RNGTT: variants seen among roughly 807,000 people sequenced by gnomAD.
RNGTT encodes the protein mRNA-capping enzyme.
RNGTT carries 33 observed loss-of-function variants against 79.3 expected under a neutral mutation model. The observed-to-expected ratio is 0.42, with a 90% confidence interval of 0.32 to 0.56. The LOEUF (loss-of-function observed/expected upper bound fraction) is 0.56, where lower values mean the gene tolerates loss of function less well. Ranked by LOEUF, RNGTT falls within the 20% of genes least tolerant of loss-of-function variation. The pLI is 0.17. For missense variants in RNGTT, 497 were observed against 739.1 expected (o/e 0.67, Z 3.80); for synonymous variants, 222 against 235.9 (o/e 0.94, Z 0.54).
At chr6:88,724,360 T>C (rs936082202) in intron 13 of RNGTT, among the ~76,000 whole-genome samples, 5 of 152,204 alleles carry the variant, frequency 3.3e-5, no homozygotes, top group Admixed American at 1.3e-4. Context: ...TGTTTAGATA[T>C]GTTATAATAT....
chr6:88,800,668 C>T (rs1779755115), intron 12 of RNGTT, among the ~76,000 whole-genome samples: 1 of 152,178 alleles, frequency 6.6e-6, no homozygotes, highest in Non-Finnish European at 1.5e-5. Flanking sequence ...ACTCCATCCC[C>T]AGAGTTTCTA....
rs554555704 is a variant in RNGTT, at chr6:88,954,506, G to C, written c.64+8840C>G. Among the ~76,000 whole-genome samples the C allele has an allele frequency of 9.2e-5, 14 of 152,068 alleles. 1 individual carries two copies. The South Asian group carries it at 2.9e-3, about 32-fold the overall frequency. ...AAAGCAATTACTACTAGAGACCTAA[G>C]AAATGAAATACACAGCAACACAACA... On this transcript the variant is annotated intron_variant, in intron 1 of 15. Coordinates refer to ENST00000369485, the MANE Select transcript of RNGTT (RefSeq NM_003800.5).
At chr6:88,920,852 G>A (rs1212705690) in intron 4 of RNGTT, among the ~76,000 whole-genome samples, 4 of 152,064 alleles carry the variant, frequency 2.6e-5, no homozygotes, top group Admixed American at 2.6e-4. Context: ...GTGTTTACAG[G>A]TTATAAAATT....
At chr6:88,824,465 C>T (rs187161351) in intron 11 of RNGTT, among the ~76,000 whole-genome samples, 5 of 152,280 alleles carry the variant, frequency 3.3e-5, no homozygotes, top group Non-Finnish European at 5.9e-5. Context: ...TTAAGTGGCA[C>T]ACAACTATAT....
intron 13 of RNGTT, among the ~76,000 whole-genome samples, chr6:88,702,125 A>T (rs1775968889): frequency 6.6e-6 from 1 of 152,198 alleles, no homozygotes; most frequent in African/African-American, 2.4e-5. Flanking sequence ...AATATCATTA[A>T]AATGGCCATA....
At chr6:88,897,491 T>C (rs747698156) in intron 6 of RNGTT, among the ~76,000 whole-genome samples, 48 of 152,230 alleles carry the variant, frequency 3.2e-4, no homozygotes, top group Admixed American at 2.0e-3. Context: ...TTCAACTTCA[T>C]TGACTTCACT....
At chr6:88,798,432 A>G (rs1314012902) in intron 12 of RNGTT, among the ~76,000 whole-genome samples, 1 of 151,898 alleles carries the variant, frequency 6.6e-6, no homozygotes, top group Non-Finnish European at 1.5e-5. Flanking sequence ...GCCACTGCAC[A>G]CCAGCCTGGG....
intron 14 of RNGTT, among the ~76,000 whole-genome samples, chr6:88,615,080 G>A (rs1772168904): frequency 6.6e-6 from 1 of 152,168 alleles, no homozygotes; most frequent in Non-Finnish European, 1.5e-5. Flanking sequence ...AGTATCCATG[G>A]TAACTACGAA....
chr6:88,672,210 T>TATATATACACACACACAC (rs1774671866), intron 14 of RNGTT, among the ~76,000 whole-genome samples: 1 of 136,854 alleles, frequency 7.3e-6, no homozygotes, highest in African/African-American at 2.5e-5. Context: ...TACATATATA[T>TATATATACACACACACAC]ATATATATAC....
chr6:88,946,603 G>A (rs1785016718), intron 1 of RNGTT, among the ~76,000 whole-genome samples: 1 of 151,810 alleles, frequency 6.6e-6, no homozygotes, highest in Non-Finnish European at 1.5e-5. Flanking sequence ...AGTTGTGAAT[G>A]AAAATGAAAA....
intron 13 of RNGTT, among the ~76,000 whole-genome samples, chr6:88,704,895 G>T (rs1235243353): frequency 6.6e-6 from 1 of 151,922 alleles, no homozygotes; most frequent in Non-Finnish European, 1.5e-5. Flanking sequence ...ATTACTTATA[G>T]GATATGTCAG....
At chr6:88,729,019 G>T (rs368723825) in intron 13 of RNGTT, among the ~76,000 whole-genome samples, 2 of 152,180 alleles carry the variant, frequency 1.3e-5, no homozygotes, top group African/African-American at 4.8e-5. Flanking sequence ...TGGGCTGCAT[G>T]GTAGCTCTTT....
At chr6:88,648,544 A>G (rs1338227299) in intron 14 of RNGTT, among the ~76,000 whole-genome samples, 1 of 152,090 alleles carries the variant, frequency 6.6e-6, no homozygotes, top group Non-Finnish European at 1.5e-5. Context: ...ATCTCCCTAT[A>G]CAAACCTCTG....
chr6:88,916,545 T>C (rs979685277), intron 4 of RNGTT, among the ~76,000 whole-genome samples: 1 of 152,218 alleles, frequency 6.6e-6, no homozygotes, highest in Non-Finnish European at 1.5e-5. Context: ...CTCAATATGT[T>C]GTTTTTTTAG....
At chr6:88,647,376 T>TTA in intron 14 of RNGTT, among the ~76,000 whole-genome samples, 1 of 152,296 alleles carries the variant, frequency 6.6e-6, no homozygotes, top group Admixed American at 6.5e-5. Context: ...GTAATTACCA[T>TTA]CTTCAATGGG....
chr6:88,842,436 CAT>C (rs1380937651), intron 11 of RNGTT, among the ~76,000 whole-genome samples: 1 of 151,222 alleles, frequency 6.6e-6, no homozygotes, highest in East Asian at 1.9e-4. Context: ...TAACAGTAGT[CAT>C]ATGAGTGATA....
chr6:88,647,900 T>C (rs923369106), intron 14 of RNGTT, among the ~76,000 whole-genome samples: 7 of 151,354 alleles, frequency 4.6e-5, no homozygotes, highest in Admixed American at 6.6e-5. Flanking sequence ...AAAACAACGA[T>C]GAAAATACCT....
intron 6 of RNGTT, among the ~76,000 whole-genome samples, chr6:88,895,693 C>T (rs1358067444): frequency 6.6e-6 from 1 of 152,198 alleles, no homozygotes. Flanking sequence ...TAACTATCTT[C>T]AACCTCAGAT....
rs11961850 is a variant in RNGTT at position 88,679,873 on chromosome 6, C to T, written c.1440-1454G>A. Among the ~76,000 whole-genome samples, 685 of 152,304 alleles carry T rather than the reference C, an allele frequency of 4.5e-3. 2 individuals carry two copies. The highest frequency in any genetic ancestry group is 0.016 in the African/African-American group (648 of 41,564). Reference sequence around the variant, plus strand: ...TAAATGGATACAACTCCAGTCTGAACACGATTACACATAAAGAAGAAGAAA... The same window carrying T: ...TAAATGGATACAACTCCAGTCTGAATACGATTACACATAAAGAAGAAGAAA... On this transcript the variant is annotated intron_variant, in intron 13 of 15. Coordinates refer to ENST00000369485, the MANE Select transcript of RNGTT (RefSeq NM_003800.5).
Sources: gnomAD v4.1 joint callset for allele counts (sites outside exome capture counted in the v4.1 genomes callset) on GRCh38, gnomAD v4.1.1 for gene constraint, MANE v1.5 for transcripts, NCBI Gene and HGNC (gene_info 2026-07-23, HGNC 2026-07-21) for gene names.